OPA3: variants seen among roughly 807,000 people sequenced by gnomAD.
The protein encoded by OPA3 is optic atrophy 3 protein.
In OPA3, 6 loss-of-function variants were observed where a neutral mutation model predicts 4.0. The ratio of observed to expected loss-of-function variants is 1.51; its 90% CI spans 0.83 to 2.99. The LOEUF (loss-of-function observed/expected upper bound fraction) is 2.99, where lower values mean the gene tolerates loss of function less well. Ranked by LOEUF, OPA3 falls within the 30% of genes most tolerant of loss-of-function variation. OPA3 has a pLI of 0.00. For missense variants in OPA3, 235 were observed against 256.2 expected (o/e 0.92, Z 0.56); for synonymous variants, 105 against 117.1 (o/e 0.90, Z 0.67).
chr19:45,559,400 T>C (rs1447265944), intron 1 of OPA3, among the ~76,000 whole-genome samples: 8 of 117,740 alleles, frequency 6.8e-5, no homozygotes, highest in South Asian at 2.9e-4. Flanking sequence ...TTTCTTTCTT[T>C]TTTTTTTTTT....
At chr19:45,559,849 G>T (rs1969478713) in intron 1 of OPA3, among the ~76,000 whole-genome samples, 1 of 151,928 alleles carries the variant, frequency 6.6e-6, no homozygotes, top group African/African-American at 2.4e-5. Context: ...TTAACACGAG[G>T]CCGGCCTTAA....
chr19:45,530,222 C>G (rs1309583681), intron 1 of OPA3, among the ~76,000 whole-genome samples: 1 of 152,066 alleles, frequency 6.6e-6, no homozygotes, highest in Non-Finnish European at 1.5e-5. Context: ...GGCGTGATAG[C>G]GCGTGCCTCT....
At chr19:45,555,038 C>T (rs2122444321) in intron 1 of OPA3, among the ~76,000 whole-genome samples, 1 of 152,278 alleles carries the variant, frequency 6.6e-6, no homozygotes, top group East Asian at 1.9e-4. Flanking sequence ...GATCCACCTG[C>T]GTTGGCCTCT....
chr19:45,572,536 C>A (rs1273503566), intron 1 of OPA3, among the ~76,000 whole-genome samples: 2 of 109,714 alleles, frequency 1.8e-5, no homozygotes, highest in Non-Finnish European at 3.9e-5. Flanking sequence ...ATATATATAT[C>A]ATATGATATA....
At chr19:45,530,502 T>G (rs2122371137) in intron 1 of OPA3, among the ~76,000 whole-genome samples, 1 of 151,578 alleles carries the variant, frequency 6.6e-6, no homozygotes, top group African/African-American at 2.4e-5. Flanking sequence ...TTATTTTTAT[T>G]TATGTATGTA....
At chr19:45,545,712 T>C (rs1034771272), downstream of OPA3, among the ~76,000 whole-genome samples, 4 of 141,198 alleles carry the variant, frequency 2.8e-5, no homozygotes, top group Non-Finnish European at 6.2e-5. Context: ...ATGCTTTTCT[T>C]TTTTTTTTTT....
intron 1 of OPA3, among the ~76,000 whole-genome samples, chr19:45,579,311 C>T (rs1196961597): frequency 7.2e-5 from 11 of 152,090 alleles, no homozygotes; most frequent in Non-Finnish European, 1.0e-4. Context: ...ACCTCTGCCT[C>T]TTGGGTTCAA....
intron 1 of OPA3, among the ~76,000 whole-genome samples, chr19:45,535,041 G>A (rs951479906): frequency 2.6e-5 from 4 of 151,994 alleles, no homozygotes; most frequent in African/African-American, 4.8e-5. Context: ...TTCTTTCCAC[G>A]TGTTGATCTG....
At position 45,583,871 on chromosome 19, in the gene OPA3, G is replaced by A. The variant is rs956702150; in HGVS notation, c.142+752C>T. On this transcript the variant is annotated intron_variant, in intron 1 of 1. Transcript: ENST00000263275. ...AGCCCTGCTGGCCTCAGGTCCCTGG[G>A]TCAGCCAGTTCCTCTGAGCTCCGGG... 1.3e-5 allele frequency among the ~76,000 whole-genome samples: 2 copies of A among 152,294 alleles called. 1 individual carries two copies. The highest frequency in any genetic ancestry group is 4.1e-4 in the South Asian group (2 of 4,828).
intron 1 of OPA3, among the ~76,000 whole-genome samples, chr19:45,559,849 G>A (rs1969478713): frequency 1.3e-5 from 2 of 151,928 alleles, no homozygotes; most frequent in African/African-American, 4.8e-5. Flanking sequence ...TTAACACGAG[G>A]CCGGCCTTAA....
intron 1 of OPA3, among the ~76,000 whole-genome samples, chr19:45,538,588 T>C (rs1362856330): frequency 6.6e-6 from 1 of 152,106 alleles, no homozygotes; most frequent in Non-Finnish European, 1.5e-5. Flanking sequence ...CCAGGTGTGG[T>C]GGCGTGTGCC....
rs1347124838 is a variant in OPA3 at position 45,553,440 on chromosome 19, C to A, written c.*74G>T. ...GTGGTTTCCACTGGGCCAGCGCAGG[C>A]AAGGGTGGTGCGGGAAGAAGGCCAC... On this transcript the variant is annotated 3_prime_UTR_variant, in exon 2 of 2. Transcript: ENST00000263275. 41 of 1,603,296 alleles carry A rather than the reference C, an allele frequency of 2.6e-5. No individual in the cohort carries two copies. Among genetic ancestry groups the A allele is most frequent in the Middle Eastern group, 1.7e-4 (1 of 6,054 alleles).
At chr19:45,543,878 C>A (rs189344519), downstream of OPA3, among the ~76,000 whole-genome samples, 10 of 152,332 alleles carry the variant, frequency 6.6e-5, no homozygotes, top group Admixed American at 3.9e-4. Context: ...AAGGTTCCTG[C>A]TGGTTTTCTT....
At chr19:45,566,572 G>GT (rs894991901) in intron 1 of OPA3, among the ~76,000 whole-genome samples, 8 of 151,916 alleles carry the variant, frequency 5.3e-5, no homozygotes, top group African/African-American at 1.9e-4. Context: ...CTAGGTTCGA[G>GT]TGATTCTCCT....
At chr19:45,574,410 A>AG (rs1422803199) in intron 1 of OPA3, among the ~76,000 whole-genome samples, 28 of 151,676 alleles carry the variant, frequency 1.8e-4, no homozygotes, top group African/African-American at 5.8e-4. Flanking sequence ...AAAAAAAAAA[A>AG]AAAAGAAAAA....
chr19:45,570,576 A>G (rs758913274), intron 1 of OPA3, among the ~76,000 whole-genome samples: 2 of 152,254 alleles, frequency 1.3e-5, no homozygotes, highest in East Asian at 1.9e-4. Context: ...AATCCCAGCT[A>G]CTTGGGAGGC....
intron 1 of OPA3, among the ~76,000 whole-genome samples, chr19:45,559,070 G>T (rs1002125266): frequency 2.0e-5 from 3 of 152,116 alleles, no homozygotes; most frequent in African/African-American, 7.2e-5. Context: ...TTTTAGTAGA[G>T]ACGGGATTTC....
At chr19:45,573,648 A>C (rs1373404455) in intron 1 of OPA3, among the ~76,000 whole-genome samples, 1 of 152,084 alleles carries the variant, frequency 6.6e-6, no homozygotes, top group Non-Finnish European at 1.5e-5. Context: ...ACAGATAAGC[A>C]GGCAGCCTGG....
chr19:45,552,985 T>A lies in OPA3; in HGVS notation c.*529A>T. The A allele has an allele frequency of 5.0e-6, 5 of 992,604 alleles. No homozygotes were observed. Among genetic ancestry groups the A allele is most frequent in the Non-Finnish European group, 6.0e-6 (5 of 834,524 alleles). The allele number at this position is 992,604 out of a possible 1,614,324, so 61.5% of individuals were successfully genotyped here. On this transcript the variant is annotated 3_prime_UTR_variant, in exon 2 of 2. Transcript: ENST00000263275. Reference sequence around the variant, plus strand: ...GCCACCGCTCCCAGCCGCACCGTTTTTTTCCTCCTTAAGAGAGCACTGATG... The same window carrying A: ...GCCACCGCTCCCAGCCGCACCGTTTATTTCCTCCTTAAGAGAGCACTGATG...
Sources: allele counts gnomAD v4.1 joint callset (sites outside exome capture counted in the v4.1 genomes callset), GRCh38; gene constraint gnomAD v4.1.1; transcripts MANE v1.5; gene names NCBI Gene and HGNC (gene_info 2026-07-23, HGNC 2026-07-21).